The following ARHGAP5 variants were observed in gnomAD, a reference collection of about 807,000 sequenced individuals.
ARHGAP5 encodes rho GTPase-activating protein 5.
Under a neutral mutation model 116.6 loss-of-function variants are expected in ARHGAP5, and 23 were observed. That is an observed-to-expected ratio of 0.20 (90% confidence interval 0.14 to 0.28). ARHGAP5 has a LOEUF of 0.28. Among genes scored for constraint, ARHGAP5 ranks in the 10% least tolerant of loss-of-function variants. The probability of loss-of-function intolerance (pLI) is 1.00; values close to 1 mark genes in which losing one functional copy is unlikely to be tolerated. For missense variants in ARHGAP5, 1,405 were observed against 1,774.8 expected (o/e 0.79, Z 3.74); for synonymous variants, 574 against 602.0 (o/e 0.95, Z 0.68).
At chr14:32,139,122 G>A (rs1181122569) in intron 3 of ARHGAP5, among the ~76,000 whole-genome samples, 1 of 151,942 alleles carries the variant, frequency 6.6e-6, no homozygotes, top group East Asian at 1.9e-4. Flanking sequence ...TATTGATTTG[G>A]TTTGGTAGTA....
At chr14:32,137,896 C>T (rs1463210334) in intron 3 of ARHGAP5, among the ~76,000 whole-genome samples, 9 of 150,356 alleles carry the variant, frequency 6.0e-5, no homozygotes, top group Admixed American at 5.3e-4. Context: ...CCCTTGAACC[C>T]AGGATGGGGA....
chr14:32,120,257 T>C (rs1879816893), intron 3 of ARHGAP5, among the ~76,000 whole-genome samples: 1 of 152,122 alleles, frequency 6.6e-6, no homozygotes, highest in African/African-American at 2.4e-5. Flanking sequence ...TTTTAGTGCC[T>C]TCTAGCATCT....
intron 3 of ARHGAP5, among the ~76,000 whole-genome samples, chr14:32,130,530 A>G (rs780088328): frequency 1.3e-4 from 18 of 133,638 alleles, no homozygotes; most frequent in Non-Finnish European, 4.6e-5. Context: ...CCTGGCATTG[A>G]TTGATTGATT....
intron 1 of ARHGAP5, among the ~76,000 whole-genome samples, chr14:32,081,033 C>A (rs2138994059): frequency 6.6e-6 from 1 of 152,152 alleles, no homozygotes; most frequent in South Asian, 2.1e-4. Flanking sequence ...TAGATTTAGC[C>A]TATTTTATTA....
rs747647770 is a variant in ARHGAP5 at position 32,092,073 on chromosome 14, G to C, written c.1404G>C (p.Glu468Asp). The part of the protein sequence containing the change: ...MEDEAYKYIT[E>D]ADSKEVYGRH... Reference sequence around the variant, plus strand: ...ATGAAGCCTACAAATATATCACTGAGGCTGATAGCAAAGAGGTATATGGTA... The same window carrying C: ...ATGAAGCCTACAAATATATCACTGACGCTGATAGCAAAGAGGTATATGGTA... The change falls in exon 2 of 7, where the codon GAG becomes GAC. Residue 468 changes from glutamate (E) to aspartate (D), a missense_variant. By Grantham distance (45) the Glu-to-Asp change is conservative (BLOSUM62 2). This residue lies in a region of ARHGAP5 where 944 missense variants were observed against 1,095.3 expected (regional missense o/e 0.86). Coordinates refer to ENST00000345122, the MANE Select transcript of ARHGAP5 (RefSeq NM_001030055.2). This position sits in a 1 kb window ranked among gnomAD's most constrained non-coding sequence, Gnocchi z 4.1. The C allele has an allele frequency of 6.2e-7, 1 of 1,613,798 alleles. No homozygotes were observed. The highest frequency in any genetic ancestry group is 1.1e-5 in the South Asian group (1 of 91,062).
At chr14:32,082,569 G>T (rs1244290472) in intron 1 of ARHGAP5, among the ~76,000 whole-genome samples, 1 of 151,440 alleles carries the variant, frequency 6.6e-6, no homozygotes, top group African/African-American at 2.4e-5. Flanking sequence ...TTTTTGAGAT[G>T]GGGTCTTGCT....
chr14:32,156,914 C>T lies in ARHGAP5; in HGVS notation c.*1966C>T, dbSNP rs1434606888. On this transcript the variant is annotated 3_prime_UTR_variant, in exon 7 of 7. Coordinates refer to ENST00000345122, the MANE Select transcript of ARHGAP5 (RefSeq NM_001030055.2). ...GAATTTTCAAAACTGTTCGTGTCTT[C>T]AGTTCATTCTGTCATAACTTTGCTA... 3 of 152,364 alleles carry T rather than the reference C, an allele frequency of 2.0e-5. No individual in the cohort carries two copies. The highest frequency in any genetic ancestry group is 4.4e-5 in the Non-Finnish European group (3 of 67,808). The allele number at this position is 152,364 out of a possible 1,614,324, so 9.4% of individuals were successfully genotyped here.
intron 2 of ARHGAP5, among the ~76,000 whole-genome samples, chr14:32,106,071 C>T (rs1398050593): frequency 1.3e-5 from 2 of 152,118 alleles, no homozygotes; most frequent in African/African-American, 2.4e-5. Flanking sequence ...CATGAACATT[C>T]GAATACAGGA....
At chr14:32,132,708 T>C (rs920947583) in intron 3 of ARHGAP5, among the ~76,000 whole-genome samples, 22 of 152,034 alleles carry the variant, frequency 1.4e-4, no homozygotes, top group African/African-American at 4.8e-4. Flanking sequence ...CTAGGGTTTT[T>C]ATGGTTTTAG....
At chr14:32,099,895 C>T (rs1464745096) in intron 2 of ARHGAP5, among the ~76,000 whole-genome samples, 1 of 152,130 alleles carries the variant, frequency 6.6e-6, no homozygotes, top group Non-Finnish European at 1.5e-5. Flanking sequence ...TCATTCTTAC[C>T]AATCAGAAGC....
chr14:32,145,661 C>T (rs1224998138), intron 3 of ARHGAP5, among the ~76,000 whole-genome samples: 2 of 152,200 alleles, frequency 1.3e-5, no homozygotes, highest in South Asian at 2.1e-4. Flanking sequence ...CTTCTTCTCT[C>T]CACCATTCAC....
chr14:32,145,237 C>T (rs889534973), intron 3 of ARHGAP5, among the ~76,000 whole-genome samples: 1 of 152,102 alleles, frequency 6.6e-6, no homozygotes, highest in African/African-American at 2.4e-5. Context: ...TTTAGGCTCT[C>T]GACTCAGCCT....
rs76852059 is a variant in ARHGAP5 at position 32,149,176 on chromosome 14, C to CT, written c.3944-714dup. 4.2e-3 allele frequency among the ~76,000 whole-genome samples: 603 copies of CT among 143,766 alleles called. 5 individuals are homozygous for CT. The highest frequency in any genetic ancestry group is 0.013 in the African/African-American group (495 of 39,564). The allele number at this position is 143,766 out of a possible 152,430, so 94.3% of individuals were successfully genotyped here. On this transcript the variant is annotated intron_variant, in intron 4 of 6. Transcript: ENST00000345122. Reference sequence around the variant, plus strand: ...TTTTCTTTCTAGTTACTTATGGCCTCTTTTTTTTTTTTCCTCCTCCAAAGA... The same window carrying CT: ...TTTTCTTTCTAGTTACTTATGGCCTCTTTTTTTTTTTTTCCTCCTCCAAAGA...
At position 32,092,864 on chromosome 14, in the gene ARHGAP5, T is replaced by G; in HGVS notation, c.2195T>G (p.Val732Gly). 2.5e-6 allele frequency: 4 copies of G among 1,614,074 alleles called. No homozygotes were observed. Among genetic ancestry groups the G allele is most frequent in the Non-Finnish European group, 3.4e-6 (4 of 1,179,934 alleles). Residue 732 changes from valine to glycine, a missense_variant, in exon 2 of 7, where the codon GTA becomes GGA. Around this residue, in one of 6 missense-constraint regions of ARHGAP5, gnomAD observed 944 missense variants for 1,095.3 expected, o/e 0.86. Transcript: ENST00000345122. This position sits in a 1 kb window ranked among gnomAD's most constrained non-coding sequence, Gnocchi z 4.1. ...ANKLQCPFVD[V>G]PAGTYPRKFN... Reference sequence around the variant, plus strand: ...AAGTTGCAATGTCCTTTTGTAGATGTACCTGCTGGTACATATCCTCGTAAA... The same window carrying G: ...AAGTTGCAATGTCCTTTTGTAGATGGACCTGCTGGTACATATCCTCGTAAA...
chr14:32,077,929 G>A (rs2041727159), intron 1 of ARHGAP5, among the ~76,000 whole-genome samples: 2 of 152,142 alleles, frequency 1.3e-5, no homozygotes, highest in South Asian at 4.1e-4. Context: ...CCTTGTAGGG[G>A]GGATCGGCCC....
intron 3 of ARHGAP5, among the ~76,000 whole-genome samples, chr14:32,133,686 T>G (rs1372847933): frequency 6.6e-6 from 1 of 152,306 alleles, no homozygotes; most frequent in South Asian, 2.1e-4. Context: ...TGCTTCCAGT[T>G]TTTGCCCATT....
chr14:32,085,500 C>A (rs922317311), intron 1 of ARHGAP5, among the ~76,000 whole-genome samples: 1 of 152,168 alleles, frequency 6.6e-6, no homozygotes, highest in East Asian at 1.9e-4. Flanking sequence ...ACACTCTGTT[C>A]ATCTTTTTGT....
At position 32,092,093 on chromosome 14, in the gene ARHGAP5, A is replaced by G. The variant is rs1878284304; in HGVS notation, c.1424A>G (p.Tyr475Cys). Residue 475 changes from tyrosine to cysteine, a missense_variant, in exon 2 of 7, where the codon TAT (tyrosine) becomes TGT (cysteine). This residue lies in a region of ARHGAP5 where 944 missense variants were observed against 1,095.3 expected (regional missense o/e 0.86). Coordinates refer to ENST00000345122, the MANE Select transcript of ARHGAP5 (RefSeq NM_001030055.2). This position sits in a 1 kb window ranked among gnomAD's most constrained non-coding sequence, Gnocchi z 4.1. ...ACTGAGGCTGATAGCAAAGAGGTAT[A>G]TGGTAGGCATCAGCGAGAAATAGTT... Reference protein sequence around the residue: ...YITEADSKEVYGRHQREIVEK... With the variant: ...YITEADSKEVCGRHQREIVEK... The G allele has an allele frequency of 1.2e-6, 2 of 1,613,940 alleles. No individual in the cohort carries two copies. The highest frequency in any genetic ancestry group is 1.3e-5 in the African/African-American group (1 of 75,044).
At chr14:32,116,288 CA>C (rs1183133614) in intron 2 of ARHGAP5, among the ~76,000 whole-genome samples, 2 of 140,910 alleles carry the variant, frequency 1.4e-5, no homozygotes, top group African/African-American at 2.7e-5. Context: ...GACTCCCTCT[CA>C]AAAAAAAATA....
Sources: gnomAD v4.1 joint callset for allele counts (sites outside exome capture counted in the v4.1 genomes callset) on GRCh38, gnomAD v4.1.1 for gene constraint, gnomAD v4.1.1 regional missense constraint, Gnocchi (gnomAD v3.1) non-coding constraint, MANE v1.5 for transcripts, NCBI Gene and HGNC (gene_info 2026-07-23, HGNC 2026-07-21) for gene names.